Variants in YWHAG observed in about 807,000 individuals in gnomAD.
The protein encoded by YWHAG is tyrosine 3-monooxygenase/tryptophan 5-monooxygenase activation protein gamma.
A neutral mutation model predicts 23.3 loss-of-function variants in YWHAG; 1 was observed. The observed-to-expected ratio is 0.04, with a 90% CI of 0.02 to 0.20. YWHAG has a LOEUF of 0.20. YWHAG is among the 10% of genes least tolerant of loss of function. The pLI, the probability that YWHAG is intolerant of heterozygous loss-of-function variation, is 1.00. For synonymous variants in YWHAG, 160 were observed against 144.0 expected (o/e 1.11, Z -0.80); for missense variants, 151 against 338.6 (o/e 0.45, Z 4.35).
chr7:76,350,670 C>G (rs1803859935), intron 1 of YWHAG, among the ~76,000 whole-genome samples: 1 of 152,160 alleles, frequency 6.6e-6, no homozygotes, highest in Non-Finnish European at 1.5e-5. Flanking sequence ...ATGGGGAAAC[C>G]CCATTTCTAC....
intron 1 of YWHAG, among the ~76,000 whole-genome samples, chr7:76,357,932 C>T (rs1356219065): frequency 1.3e-5 from 2 of 152,194 alleles, no homozygotes; most frequent in African/African-American, 2.4e-5. Flanking sequence ...CAGTCAGCTA[C>T]ATTCACCACC....
Position 76,326,831 on chromosome 7 carries a change from A to C in YWHAG, c.*2746T>G, listed in dbSNP as rs372911124. 7.2e-5 allele frequency: 11 copies of C among 152,768 alleles called. No individual in the cohort carries two copies. The highest frequency in any genetic ancestry group is 2.6e-4 in the African/African-American group (11 of 41,566). 9.5% of individuals were successfully genotyped at this position (152,768 alleles called of 1,614,324 possible). On this transcript the variant is annotated 3_prime_UTR_variant, in exon 2 of 2. Transcript: ENST00000307630. ...TGTAAGTTTATTTGCTCAATGTACG[A>C]CAGCTACATAATGACTCACATTCAT... is the stretch of plus-strand genomic sequence containing the variant.
intron 1 of YWHAG, among the ~76,000 whole-genome samples, chr7:76,332,841 T>A (rs1414907823): frequency 6.6e-6 from 1 of 152,034 alleles, no homozygotes; most frequent in Admixed American, 6.6e-5. Flanking sequence ...GTAGCTGGGA[T>A]TACAGGCGTG....
At chr7:76,339,087 T>A (rs185175818) in intron 1 of YWHAG, among the ~76,000 whole-genome samples, 48 of 151,812 alleles carry the variant, frequency 3.2e-4, no homozygotes, top group Admixed American at 7.2e-4. Flanking sequence ...CCAAAGCCAG[T>A]AATTTTATAT....
At chr7:76,339,917 C>T (rs555337855) in intron 1 of YWHAG, among the ~76,000 whole-genome samples, 1 of 152,070 alleles carries the variant, frequency 6.6e-6, no homozygotes, top group South Asian at 2.1e-4. Context: ...GGTGAAACCC[C>T]GTCTCTACTA....
chr7:76,328,195 T>C lies in YWHAG; in HGVS notation c.*1382A>G, dbSNP rs1004995252. ...GCTGCCGAAAACAAATGGGTGGAAA[T>C]AGCAACGTTGTTTCCGTCAATTCCA... On this transcript the variant is annotated 3_prime_UTR_variant, in exon 2 of 2. Coordinates refer to ENST00000307630, the MANE Select transcript of YWHAG (RefSeq NM_012479.4). 6.6e-6 allele frequency: 1 copy of C among 151,996 alleles called. No homozygotes were observed. Among genetic ancestry groups the C allele is most frequent in the Non-Finnish European group, 1.5e-5 (1 of 68,008 alleles). The allele number at this position is 151,996 out of a possible 1,614,324, so 9.4% of individuals were successfully genotyped here. A position where few individuals can be genotyped will look rare whatever the true frequency, so the allele number is the denominator to read the frequency against.
chr7:76,334,764 A>G (rs1438009619), intron 1 of YWHAG, among the ~76,000 whole-genome samples: 1 of 151,796 alleles, frequency 6.6e-6, no homozygotes, highest in African/African-American at 2.4e-5. Context: ...AAGAAAAGAA[A>G]TGGGGTCTCA....
Position 76,329,500 on chromosome 7 carries a change from CCCGA to C in YWHAG, c.*73_*76del. 2.4e-6 allele frequency: 3 copies of C among 1,234,344 alleles called. No individual in the cohort carries two copies. Among genetic ancestry groups the C allele is most frequent in the Non-Finnish European group, 3.3e-6 (3 of 918,304 alleles). 76.5% of individuals were successfully genotyped at this position (1,234,344 alleles called of 1,614,324 possible). On this transcript the variant is annotated 3_prime_UTR_variant, in exon 2 of 2. Coordinates refer to ENST00000307630, the MANE Select transcript of YWHAG (RefSeq NM_012479.4). This position sits in a 1 kb window ranked among gnomAD's most constrained non-coding sequence, Gnocchi z 6.1. ...GTCATCCCTCCCTTTCCCTCCCCCA[CCCGA>C]CCCCCAACTCATGGGAAAAAAATAA... is the stretch of plus-strand genomic sequence containing the variant.
At chr7:76,353,718 C>CTAA (rs1803907167) in intron 1 of YWHAG, among the ~76,000 whole-genome samples, 2 of 152,124 alleles carry the variant, frequency 1.3e-5, no homozygotes, top group African/African-American at 2.4e-5. Context: ...AGAGGAGAGG[C>CTAA]CATAAGGCAG....
At chr7:76,347,984 C>A (rs555936407) in intron 1 of YWHAG, among the ~76,000 whole-genome samples, 1 of 152,204 alleles carries the variant, frequency 6.6e-6, no homozygotes, top group Non-Finnish European at 1.5e-5. Context: ...CTAAAAGAAA[C>A]CGGGTTACAC....
intron 1 of YWHAG, among the ~76,000 whole-genome samples, chr7:76,347,146 T>C (rs1030883753): frequency 4.6e-5 from 7 of 152,178 alleles, no homozygotes; most frequent in Admixed American, 1.3e-4. Context: ...CACAGCACCC[T>C]AGGCTTACTT....
chr7:76,344,393 A>G (rs867475095), intron 1 of YWHAG, among the ~76,000 whole-genome samples: 1 of 152,168 alleles, frequency 6.6e-6, no homozygotes, highest in Non-Finnish European at 1.5e-5. Context: ...ATTTTTAACA[A>G]TTAGGGCACA....
In YWHAG at chr7:76,327,593, T is replaced by A. The variant is rs1372321122; in HGVS notation, c.*1984A>T. The stretch of plus-strand genomic sequence containing the variant: ...GGTTTTGTAATTCCAGTAAATCATT[T>A]CCAAATGCTACAAGGAAAAACGCAA... On this transcript the variant is annotated 3_prime_UTR_variant, in exon 2 of 2. Coordinates refer to ENST00000307630, the MANE Select transcript of YWHAG (RefSeq NM_012479.4). The A allele has an allele frequency of 6.6e-6, 1 of 150,540 alleles. No homozygotes were observed. Among genetic ancestry groups the A allele is most frequent in the Non-Finnish European group, 1.5e-5 (1 of 67,848 alleles). The allele number at this position is 150,540 out of a possible 1,614,324, so 9.3% of individuals were successfully genotyped here.
At position 76,350,201 on chromosome 7, in the gene YWHAG, C is replaced by T. The variant is rs1803853500; in HGVS notation, c.87+8521G>A. ...TCCAAAGAAGCATAAGGGAGATGGG[C>T]CCTTGCCTCAAATAAGCTGGCATCG... On this transcript the variant is annotated intron_variant, in intron 1 of 1. Transcript: ENST00000307630. Among the ~76,000 whole-genome samples the T allele has an allele frequency of 2.0e-5, 3 of 152,134 alleles. No individual in the cohort carries two copies. The South Asian group carries it at 6.2e-4, about 31-fold the overall frequency.
chr7:76,329,489 T>TTCC lies in YWHAG; in HGVS notation c.*87_*88insGGA. 628 of 1,024,076 alleles carry TTCC rather than the reference T, an allele frequency of 6.1e-4. No homozygotes were observed. The highest frequency in any genetic ancestry group is 7.4e-4 in the Non-Finnish European group (547 of 739,944). 63.4% of individuals were successfully genotyped at this position (1,024,076 alleles called of 1,614,324 possible). On this transcript the variant is annotated 3_prime_UTR_variant, in exon 2 of 2. Coordinates refer to ENST00000307630, the MANE Select transcript of YWHAG (RefSeq NM_012479.4). This position sits in a 1 kb window ranked among gnomAD's most constrained non-coding sequence, Gnocchi z 6.1. ...TCCCTGGGAAGGTCATCCCTCCCTT[T>TTCC]CCCTCCCCCACCCGACCCCCAACTC...
At position 76,358,947 on chromosome 7, in the gene YWHAG, A is replaced by C. The variant is rs971486071; in HGVS notation, c.-139T>G. On this transcript the variant is annotated 5_prime_UTR_variant, in exon 1 of 2. Coordinates refer to ENST00000307630, the MANE Select transcript of YWHAG (RefSeq NM_012479.4). The stretch of plus-strand genomic sequence containing the variant: ...AGCTGAGGCGGCGGCTGCGCGGAGG[A>C]GGCGGCTGGAGCTGCGACCGCGGGA... 2.0e-4 allele frequency: 147 copies of C among 746,828 alleles called. No homozygotes were observed. The highest frequency in any genetic ancestry group is 2.7e-4 in the Non-Finnish European group (139 of 517,790). The allele number at this position is 746,828 out of a possible 1,614,324, so 46.3% of individuals were successfully genotyped here.
rs998990053 is a variant in YWHAG, at chr7:76,328,921, A to T, written c.*656T>A. The stretch of plus-strand genomic sequence containing the variant: ...TGAATAAGGATGTTAAAGCCCAAAC[A>T]ACTAGCAAAGGAAAAGTACACAATC... On this transcript the variant is annotated 3_prime_UTR_variant, in exon 2 of 2. Transcript: ENST00000307630. 1 of 152,664 alleles carries T rather than the reference A, an allele frequency of 6.6e-6. No individual in the cohort carries two copies. The highest frequency in any genetic ancestry group is 1.5e-5 in the Non-Finnish European group (1 of 68,048). The allele number at this position is 152,664 out of a possible 1,614,324, so 9.5% of individuals were successfully genotyped here.
intron 1 of YWHAG, among the ~76,000 whole-genome samples, chr7:76,358,403 C>G (rs1475680562): frequency 6.6e-6 from 1 of 152,196 alleles, no homozygotes; most frequent in Non-Finnish European, 1.5e-5. Flanking sequence ...CACGCCTCCC[C>G]GCTCGGGTCC....
At position 76,357,652 on chromosome 7, in the gene YWHAG, C is replaced by CA. The variant is rs1026069731; in HGVS notation, c.87+1069dup. The stretch of plus-strand genomic sequence containing the variant: ...CAGCATGAAGATGTACTCGCTTAAA[C>CA]AAAAAAAAGCCTCAGATGCATCTAA... On this transcript the variant is annotated intron_variant, in intron 1 of 1. Transcript: ENST00000307630. 1.6e-4 allele frequency among the ~76,000 whole-genome samples: 24 copies of CA among 151,578 alleles called. No homozygotes were observed. The East Asian group carries it at 1.7e-3, about 11-fold the overall frequency.
Sources: allele counts gnomAD v4.1 joint callset (sites outside exome capture counted in the v4.1 genomes callset), GRCh38; gene constraint gnomAD v4.1.1; non-coding constraint Gnocchi (gnomAD v3.1); transcripts MANE v1.5; gene names NCBI Gene and HGNC (gene_info 2026-07-23, HGNC 2026-07-21).